Variants in MTHFD2L observed in about 807,000 individuals in gnomAD.
MTHFD2L encodes the protein methylenetetrahydrofolate dehydrogenase (NADP+ dependent) 2 like.
In MTHFD2L, 29 loss-of-function variants were observed where a neutral mutation model predicts 34.9. That is an observed-to-expected ratio of 0.83 (90% CI 0.62 to 1.13). MTHFD2L has a LOEUF of 1.13. MTHFD2L is among the 50% of genes most tolerant of loss of function. The probability of loss-of-function intolerance (pLI) is 0.00; values close to 1 mark genes in which losing one functional copy is unlikely to be tolerated. For missense variants in MTHFD2L, 481 were observed against 446.5 expected, an observed-to-expected ratio of 1.08 and a Z score of -0.70; for synonymous variants, 167 against 155.7, an observed-to-expected ratio of 1.07 and a Z score of -0.54.
At chr4:74,297,899 G>T (rs1273590589) in intron 7 of MTHFD2L, among the ~76,000 whole-genome samples, 1 of 152,112 alleles carries the variant, frequency 6.6e-6, no homozygotes, top group Non-Finnish European at 1.5e-5. Flanking sequence ...ATTGACATCT[G>T]TATCCACTGG....
At chr4:74,127,235 A>G (rs1032401334) in intron 1 of MTHFD2L, among the ~76,000 whole-genome samples, 3 of 152,158 alleles carry the variant, frequency 2.0e-5, no homozygotes, top group African/African-American at 7.2e-5. Flanking sequence ...GATGTACATC[A>G]CCTTAAATAC....
chr4:74,192,683 GT>G (rs751432872), intron 3 of MTHFD2L, among the ~76,000 whole-genome samples: 5 of 152,006 alleles, frequency 3.3e-5, no homozygotes, highest in Non-Finnish European at 7.4e-5. Flanking sequence ...GGTAACCACT[GT>G]TCTGATTTTT....
intron 6 of MTHFD2L, among the ~76,000 whole-genome samples, chr4:74,269,891 A>G (rs1196350901): frequency 6.6e-6 from 1 of 152,168 alleles, no homozygotes; most frequent in Non-Finnish European, 1.5e-5. Context: ...GCAGATAAGT[A>G]TAGATTATTT....
At chr4:74,297,630 G>A in intron 7 of MTHFD2L, among the ~76,000 whole-genome samples, 1 of 152,048 alleles carries the variant, frequency 6.6e-6, no homozygotes, top group East Asian at 1.9e-4. Flanking sequence ...CTTCAGCCAA[G>A]TGCAAACCTT....
At chr4:74,272,752 C>G (rs925360544) in intron 6 of MTHFD2L, among the ~76,000 whole-genome samples, 7 of 152,128 alleles carry the variant, frequency 4.6e-5, no homozygotes, top group Non-Finnish European at 8.8e-5. Context: ...TCTGCTTTTT[C>G]TTGTGTTTTA....
intron 6 of MTHFD2L, chr4:74,280,521 A>C (rs1025114848): frequency 6.6e-6 from 1 of 152,148 alleles, no homozygotes; most frequent in African/African-American, 2.4e-5. Context: ...ATTACATGAA[A>C]GATCCTAAGC....
chr4:74,229,202 C>T (rs1739642769), intron 6 of MTHFD2L, among the ~76,000 whole-genome samples: 2 of 151,960 alleles, frequency 1.3e-5, no homozygotes. Context: ...TAATAATCAC[C>T]TGGAGAAGTT....
At chr4:74,143,508 G>C in intron 1 of MTHFD2L, 1 of 887,016 alleles carries the variant, frequency 1.1e-6, no homozygotes, top group Non-Finnish European at 1.4e-6. Flanking sequence ...GGAAGGGGCA[G>C]AAGACTAAAC....
intron 5 of MTHFD2L, among the ~76,000 whole-genome samples, chr4:74,205,488 A>C (rs1324913422): frequency 6.6e-6 from 1 of 152,212 alleles, no homozygotes; most frequent in Non-Finnish European, 1.5e-5. Context: ...CTAGAAGAAA[A>C]ATGACCATAC....
intron 6 of MTHFD2L, among the ~76,000 whole-genome samples, chr4:74,237,423 C>T (rs2110158351): frequency 6.6e-6 from 1 of 152,244 alleles, no homozygotes; most frequent in South Asian, 2.1e-4. Context: ...CCAAGGTGGG[C>T]AGATCATTTG....
At chr4:74,244,467 A>G (rs866390818) in intron 6 of MTHFD2L, among the ~76,000 whole-genome samples, 1 of 152,132 alleles carries the variant, frequency 6.6e-6, no homozygotes, top group African/African-American at 2.4e-5. Flanking sequence ...TTTGATTTCA[A>G]GCAAAAGCAG....
intron 6 of MTHFD2L, among the ~76,000 whole-genome samples, chr4:74,269,346 G>A (rs1745678252): frequency 6.6e-6 from 1 of 152,014 alleles, no homozygotes; most frequent in Non-Finnish European, 1.5e-5. Context: ...TTTTCTAAAT[G>A]ATAATATTAT....
At chr4:74,121,281 A>G (rs776224066), upstream of MTHFD2L, among the ~76,000 whole-genome samples, 40 of 152,316 alleles carry the variant, frequency 2.6e-4, no homozygotes, top group Non-Finnish European at 5.0e-4. Context: ...GCAAATGACA[A>G]TGCCCTTAAA....
intron 5 of MTHFD2L, among the ~76,000 whole-genome samples, chr4:74,211,353 G>T (rs770831426): frequency 6.6e-6 from 1 of 152,086 alleles, no homozygotes; most frequent in Non-Finnish European, 1.5e-5. Flanking sequence ...TTTGAGATAC[G>T]TTCCATCAAT....
chr4:74,263,016 A>G (rs1744866643), intron 6 of MTHFD2L, among the ~76,000 whole-genome samples: 1 of 151,974 alleles, frequency 6.6e-6, no homozygotes, highest in African/African-American at 2.4e-5. Context: ...AGTTGTTTAC[A>G]TTAAATATGG....
intron 3 of MTHFD2L, among the ~76,000 whole-genome samples, chr4:74,198,627 A>G (rs1005726786): frequency 6.6e-6 from 1 of 152,092 alleles, no homozygotes. Context: ...CAGTATTTTT[A>G]CCCTCATGTA....
At chr4:74,263,668 T>A (rs561346273) in intron 6 of MTHFD2L, among the ~76,000 whole-genome samples, 2 of 152,104 alleles carry the variant, frequency 1.3e-5, no homozygotes, top group African/African-American at 4.8e-5. Context: ...GATTTTTGCA[T>A]ATTAATTTTG....
intron 7 of MTHFD2L, among the ~76,000 whole-genome samples, chr4:74,282,225 G>T (rs1747591311): frequency 1.3e-5 from 2 of 152,116 alleles, no homozygotes; most frequent in South Asian, 4.1e-4. Flanking sequence ...CGTTATCTTT[G>T]TCATATATTT....
At chr4:74,168,762 A>G (rs1727290678) in intron 1 of MTHFD2L, among the ~76,000 whole-genome samples, 1 of 152,218 alleles carries the variant, frequency 6.6e-6, no homozygotes, top group Non-Finnish European at 1.5e-5. Flanking sequence ...TGCAGTATGG[A>G]AAATGGATTA....
Sources: gnomAD v4.1 joint callset for allele counts (sites outside exome capture counted in the v4.1 genomes callset) on GRCh38, gnomAD v4.1.1 for gene constraint, MANE v1.5 for transcripts, NCBI Gene and HGNC (gene_info 2026-07-23, HGNC 2026-07-21) for gene names.